Variants in SCFD2 observed in about 807,000 individuals in gnomAD.
The protein encoded by SCFD2 is sec1 family domain containing 2, also known as sec1 family domain-containing protein 2.
In SCFD2, 54 loss-of-function variants were observed where a neutral mutation model predicts 58.9. That is an observed-to-expected ratio of 0.92 (90% CI 0.74 to 1.15). SCFD2 has a LOEUF of 1.15. SCFD2 is among the 50% of genes most tolerant of loss of function. The pLI is 0.00. For synonymous variants in SCFD2, 321 were observed against 335.9 expected (o/e 0.96, Z 0.49); for missense variants, 805 against 836.6 (o/e 0.96, Z 0.47).
chr4:53,140,160 C>T (rs1389168459), intron 5 of SCFD2, among the ~76,000 whole-genome samples: 2 of 150,898 alleles, frequency 1.3e-5, no homozygotes, highest in Non-Finnish European at 3.0e-5. Context: ...TCCTATGACC[C>T]TGCCAAATCC....
chr4:53,365,616 T>C lies in SCFD2; in HGVS notation c.326A>G (p.His109Arg), dbSNP rs373608900. 9 of 1,614,116 alleles carry C rather than the reference T, an allele frequency of 5.6e-6. No individual in the cohort carries two copies. The highest frequency in any genetic ancestry group is 1.7e-5 in the Admixed American group (1 of 60,010). Residue 109 changes from histidine to arginine, a missense_variant, in exon 1 of 9, where the codon CAC becomes CGC. Around this residue, in one of 3 missense-constraint regions of SCFD2, gnomAD observed 155 missense variants for 149.7 expected, o/e 1.04. Coordinates refer to ENST00000401642, the MANE Select transcript of SCFD2 (RefSeq NM_152540.4). The surrounding 1 kb of genome is among the most constrained non-coding windows in gnomAD (Gnocchi z 4.3). ...ATGATTAGCTGTGAGGTGGACAGCG[T>C]GGCTCACGGTTGTGACCACCACACA... ...QYCVVVTTVSHAVHLTANHVP... is the reference protein window; with the variant it reads ...QYCVVVTTVSRAVHLTANHVP...
chr4:53,165,046 C>T (rs923153757), intron 4 of SCFD2, among the ~76,000 whole-genome samples: 8 of 152,262 alleles, frequency 5.3e-5, no homozygotes, highest in Admixed American at 4.6e-4. Flanking sequence ...CCCTGGAATG[C>T]GCTTTTCTTC....
intron 4 of SCFD2, among the ~76,000 whole-genome samples, chr4:53,273,302 C>A (rs1289519300): frequency 1.3e-5 from 2 of 151,966 alleles, no homozygotes; most frequent in East Asian, 3.9e-4. Flanking sequence ...TTAAAAGTTT[C>A]CCATGAAAAT....
At chr4:53,333,575 C>T (rs1733570733) in intron 2 of SCFD2, among the ~76,000 whole-genome samples, 1 of 151,148 alleles carries the variant, frequency 6.6e-6, no homozygotes, top group East Asian at 1.9e-4. Context: ...GGATCCCTTC[C>T]TTATACCTTA....
chr4:53,256,842 G>A (rs568992181), intron 4 of SCFD2, among the ~76,000 whole-genome samples: 7 of 147,652 alleles, frequency 4.7e-5, no homozygotes, highest in Admixed American at 6.8e-5. Context: ...CTAGGCATCA[G>A]AGGGAGACCG....
intron 5 of SCFD2, among the ~76,000 whole-genome samples, chr4:52,967,861 T>A (rs956871082): frequency 4.6e-5 from 7 of 152,184 alleles, no homozygotes; most frequent in African/African-American, 1.7e-4. Flanking sequence ...CTCTTCCTTT[T>A]TCCCCTCCCT....
intron 4 of SCFD2, among the ~76,000 whole-genome samples, chr4:53,212,598 G>T (rs1390533368): frequency 6.6e-6 from 1 of 151,012 alleles, no homozygotes; most frequent in Non-Finnish European, 1.5e-5. Flanking sequence ...GTGTGTGTGT[G>T]TGTGTGTGTG....
intron 2 of SCFD2, among the ~76,000 whole-genome samples, chr4:53,341,607 C>T (rs560731105): frequency 2.2e-3 from 327 of 152,072 alleles, no homozygotes; most frequent in African/African-American, 7.3e-3. Flanking sequence ...ATACAGAAAA[C>T]GCCACAAAGA....
chr4:53,196,017 G>A (rs1040714693), intron 4 of SCFD2, among the ~76,000 whole-genome samples: 14 of 152,120 alleles, frequency 9.2e-5, no homozygotes, highest in South Asian at 2.1e-4. Flanking sequence ...CAATCCTAAA[G>A]ACAACATGAT....
intron 3 of SCFD2, among the ~76,000 whole-genome samples, chr4:53,288,864 T>C (rs1458886975): frequency 1.3e-5 from 2 of 152,222 alleles, no homozygotes; most frequent in African/African-American, 4.8e-5. Context: ...ACCATTACTA[T>C]AATGGTGGTG....
chr4:52,919,604 T>C (rs1719687464), intron 6 of SCFD2, among the ~76,000 whole-genome samples: 1 of 152,218 alleles, frequency 6.6e-6, no homozygotes, highest in Non-Finnish European at 1.5e-5. Context: ...GGAGGAGGTT[T>C]TGGGCTGGCA....
Position 53,352,679 on chromosome 4 carries a change from A to G in SCFD2, c.926T>C (p.Val309Ala). 6.2e-7 allele frequency: 1 copy of G among 1,614,052 alleles called. No homozygotes were observed. The highest frequency in any genetic ancestry group is 1.6e-4 in the Middle Eastern group (1 of 6,062). ...GAGTGCAGTGAGCGCTATCATGTTA[A>G]CCATCACATCATTTGTGTGGCCTGG... ...QLPGHTNDVM[V>A]NMIALTALHT... Residue 309 changes from valine (V) to alanine (A), a missense_variant, in exon 2 of 9, where the codon GTT becomes GCT. Val to Ala is a moderately conservative substitution (Grantham distance 64). This residue lies in a region of SCFD2 where 633 missense variants were observed against 646.8 expected (regional missense o/e 0.98). Coordinates refer to ENST00000401642, the MANE Select transcript of SCFD2 (RefSeq NM_152540.4).
intron 2 of SCFD2, among the ~76,000 whole-genome samples, chr4:53,349,756 C>T (rs1484554024): frequency 6.6e-6 from 1 of 152,216 alleles, no homozygotes; most frequent in Admixed American, 6.5e-5. Flanking sequence ...GTTTGTTCTA[C>T]TACACTTCTA....
intron 1 of SCFD2, among the ~76,000 whole-genome samples, chr4:53,361,580 A>G (rs541293058): frequency 3.3e-5 from 5 of 152,216 alleles, no homozygotes; most frequent in African/African-American, 1.2e-4. Flanking sequence ...TATTTTTTAT[A>G]GAGACAGGGT....
intron 4 of SCFD2, among the ~76,000 whole-genome samples, chr4:53,188,485 T>C (rs1727802627): frequency 6.7e-6 from 1 of 148,786 alleles, no homozygotes; most frequent in African/African-American, 2.5e-5. Context: ...TCCAACTTCA[T>C]AATAAATCTA....
chr4:53,235,912 A>C (rs980383472), intron 4 of SCFD2, among the ~76,000 whole-genome samples: 1 of 152,260 alleles, frequency 6.6e-6, no homozygotes, highest in Non-Finnish European at 1.5e-5. Context: ...AGAACACTCT[A>C]AAGCCTGGGG....
intron 6 of SCFD2, among the ~76,000 whole-genome samples, chr4:52,909,897 C>A (rs1336617384): frequency 6.6e-6 from 1 of 152,112 alleles, no homozygotes. Context: ...TCCTGCAAAT[C>A]CTGCAAATAC....
chr4:53,177,067 C>G (rs1192969829), intron 4 of SCFD2, among the ~76,000 whole-genome samples: 1 of 151,946 alleles, frequency 6.6e-6, no homozygotes, highest in African/African-American at 2.4e-5. Flanking sequence ...TTTTTGTTAG[C>G]TTTTCCTTCT....
chr4:52,987,382 T>C (rs1721521772), intron 5 of SCFD2, among the ~76,000 whole-genome samples: 2 of 152,266 alleles, frequency 1.3e-5, no homozygotes, highest in African/African-American at 4.8e-5. Context: ...AGTTATTTAA[T>C]ATCATTTGTT....
Sources: allele counts gnomAD v4.1 joint callset (sites outside exome capture counted in the v4.1 genomes callset), GRCh38; gene constraint gnomAD v4.1.1; regional missense constraint gnomAD v4.1.1; non-coding constraint Gnocchi (gnomAD v3.1); transcripts MANE v1.5; gene names NCBI Gene and HGNC (gene_info 2026-07-23, HGNC 2026-07-21).